The following STK3 variants were observed in gnomAD, a reference collection of about 807,000 sequenced individuals.
STK3 encodes serine/threonine-protein kinase 3.
In STK3, 41 loss-of-function variants were observed where a neutral mutation model predicts 58.0. The ratio of observed to expected loss-of-function variants is 0.71; its 90% CI spans 0.55 to 0.92. The LOEUF is 0.92. Among genes scored for constraint, STK3 ranks in the 40% least tolerant of loss-of-function variants. The pLI, the probability that STK3 is intolerant of heterozygous loss-of-function variation, is 0.00. For synonymous variants in STK3, 170 were observed against 191.0 expected (o/e 0.89, Z 0.91); for missense variants, 479 against 602.7 (o/e 0.79, Z 2.15).
chr8:98,905,660 A>T (rs1838868763), intron 1 of STK3: 2 of 763,750 alleles, frequency 2.6e-6, no homozygotes, highest in East Asian at 5.2e-5. Flanking sequence ...TCTGATGAAC[A>T]GCTTCATCAT....
At chr8:98,783,621 C>T (rs1179958979) in intron 1 of STK3, among the ~76,000 whole-genome samples, 1 of 152,200 alleles carries the variant, frequency 6.6e-6, no homozygotes. Context: ...AAGTTTGCCA[C>T]ATCAATTAAT....
intron 4 of STK3, 124 bp from the exon 5 acceptor site, chr8:98,707,435 C>A (rs1000172566): frequency 1.1e-5 from 8 of 716,278 alleles, no homozygotes; most frequent in South Asian, 2.1e-5. Context: ...AGAGACCCCA[C>A]TCTGTTGCCC....
At chr8:98,818,031 G>A (rs1162365022) in intron 1 of STK3, among the ~76,000 whole-genome samples, 1 of 152,094 alleles carries the variant, frequency 6.6e-6, no homozygotes, top group Non-Finnish European at 1.5e-5. Context: ...GCACACTGGT[G>A]TCATTTCAAT....
intron 10 of STK3, among the ~76,000 whole-genome samples, chr8:98,462,484 T>TA (rs1228478209): frequency 1.3e-5 from 2 of 152,160 alleles, no homozygotes; most frequent in Non-Finnish European, 2.9e-5. Flanking sequence ...TTGTGGGAGA[T>TA]AGAGTGTTTT....
intron 1 of STK3, chr8:98,904,800 A>G: frequency 3.0e-6 from 2 of 663,218 alleles, no homozygotes; most frequent in South Asian, 1.4e-5. Context: ...AGCGGCAGCC[A>G]TAGTAGCTGA....
chr8:98,478,149 C>A (rs1821526210), intron 10 of STK3, among the ~76,000 whole-genome samples: 1 of 152,046 alleles, frequency 6.6e-6, no homozygotes. Context: ...AGAGTGAGCA[C>A]AAGGACAAGA....
intron 6 of STK3, among the ~76,000 whole-genome samples, chr8:98,675,253 C>T (rs181342284): frequency 3.3e-4 from 50 of 152,254 alleles, no homozygotes; most frequent in Middle Eastern, 3.4e-3. Flanking sequence ...AAGAACTCTC[C>T]AACTACAAGA....
At chr8:98,365,109 G>A in the STK3 span, among the ~76,000 whole-genome samples, 1 of 152,144 alleles carries the variant, frequency 6.6e-6, no homozygotes, top group South Asian at 2.1e-4. Flanking sequence ...TTTTATGTAC[G>A]TGTCTGAGCC....
chr8:98,539,966 CT>C, intron 9 of STK3, among the ~76,000 whole-genome samples: 1 of 152,180 alleles, frequency 6.6e-6, no homozygotes, highest in East Asian at 1.9e-4. Context: ...GTTGGCCAGG[CT>C]GGTCTCGAAC....
At chr8:98,858,825 G>A (rs1836814406) in intron 3 of STK3, among the ~76,000 whole-genome samples, 2 of 151,268 alleles carry the variant, frequency 1.3e-5, no homozygotes, top group Non-Finnish European at 2.9e-5. Context: ...CCAGGAAGCG[G>A]AGGTTGCAGT....
intron 1 of STK3, among the ~76,000 whole-genome samples, chr8:98,939,927 G>T (rs1840343629): frequency 6.6e-6 from 1 of 152,224 alleles, no homozygotes; most frequent in Non-Finnish European, 1.5e-5. Flanking sequence ...CGATGTCATC[G>T]GTAAACCTGG....
chr8:98,466,536 G>C (rs1820474897), intron 10 of STK3, among the ~76,000 whole-genome samples: 3 of 152,164 alleles, frequency 2.0e-5, no homozygotes, highest in Admixed American at 6.5e-5. Context: ...AGTGGGGAAG[G>C]ATGATGTCTA....
In STK3 at chr8:98,382,384, T is replaced by C. The variant is rs143930377; in HGVS notation, n.57-3177A>G. On this transcript the variant is annotated intron_variant and non_coding_transcript_variant, in intron 1 of 2. Transcript: ENST00000518704. ...GCATTCTAAATTATCGCAGTGTACA[T>C]AACATTTTGTTTAAAAGGCACACTT... 3.4e-3 allele frequency among the ~76,000 whole-genome samples: 521 copies of C among 152,308 alleles called. 3 individuals carry two copies. Among genetic ancestry groups the C allele is most frequent in the African/African-American group, 0.012 (490 of 41,560 alleles).
intron 4 of STK3, among the ~76,000 whole-genome samples, chr8:98,727,645 T>A (rs923425394): frequency 4.6e-5 from 7 of 152,204 alleles, no homozygotes; most frequent in African/African-American, 1.7e-4. Context: ...AGATGTCTGA[T>A]CTATTTTCTA....
intron 6 of STK3, among the ~76,000 whole-genome samples, chr8:98,671,280 AC>A (rs1822811990): frequency 6.6e-6 from 1 of 152,152 alleles, no homozygotes; most frequent in African/African-American, 2.4e-5. Flanking sequence ...TTACATGGAG[AC>A]TTACCACCCA....
chr8:98,593,242 C>T (rs1002728832), intron 7 of STK3, among the ~76,000 whole-genome samples: 3 of 152,118 alleles, frequency 2.0e-5, no homozygotes, highest in Non-Finnish European at 2.9e-5. Flanking sequence ...TCCTTCCCTT[C>T]TATGATTTTT....
At chr8:98,661,607 G>A (rs1821970313) in intron 6 of STK3, among the ~76,000 whole-genome samples, 1 of 151,994 alleles carries the variant, frequency 6.6e-6, no homozygotes, top group Non-Finnish European at 1.5e-5. Context: ...ATTTTCAAGT[G>A]GCCTCCCATA....
intron 2 of STK3, among the ~76,000 whole-genome samples, chr8:98,770,997 C>A (rs553867595): frequency 3.3e-5 from 5 of 151,898 alleles, no homozygotes; most frequent in African/African-American, 1.2e-4. Context: ...TACAGTGGAA[C>A]CTTTCTGGAG....
chr8:98,874,327 T>G (rs868267124), intron 3 of STK3, among the ~76,000 whole-genome samples: 1 of 152,180 alleles, frequency 6.6e-6, no homozygotes, highest in Non-Finnish European at 1.5e-5. Context: ...TGTCTTGGAG[T>G]TGCTCTTCTC....
Sources: gnomAD v4.1 joint callset for allele counts (sites outside exome capture counted in the v4.1 genomes callset) on GRCh38, gnomAD v4.1.1 for gene constraint, MANE v1.5 for transcripts, NCBI Gene and HGNC (gene_info 2026-07-23, HGNC 2026-07-21) for gene names.